SH3PXD2B: variants seen among roughly 807,000 people sequenced by gnomAD.
SH3PXD2B encodes SH3 and PX domain-containing protein 2B.
SH3PXD2B carries 37 observed loss-of-function variants against 73.1 expected under a neutral mutation model. The ratio of observed to expected loss-of-function variants is 0.51; its 90% confidence interval spans 0.39 to 0.67. The LOEUF is 0.67. Among genes scored for constraint, SH3PXD2B ranks in the 30% least tolerant of loss-of-function variants. The probability of loss-of-function intolerance (pLI) is 0.00; values close to 1 mark genes in which losing one functional copy is unlikely to be tolerated. For synonymous variants in SH3PXD2B, 457 were observed against 480.5 expected, an observed-to-expected ratio of 0.95 and a Z score of 0.64; for missense variants, 1,053 against 1,197.8, an observed-to-expected ratio of 0.88 and a Z score of 1.78.
chr5:172,406,935 G>A (rs900109244), intron 2 of SH3PXD2B, among the ~76,000 whole-genome samples: 12 of 152,144 alleles, frequency 7.9e-5, no homozygotes, highest in Admixed American at 7.9e-4. Flanking sequence ...AGAGGGAGGT[G>A]TAGGCTGCTG....
intron 12 of SH3PXD2B, among the ~76,000 whole-genome samples, chr5:172,344,757 A>G (rs1417306737): frequency 6.6e-6 from 1 of 152,198 alleles, no homozygotes; most frequent in African/African-American, 2.4e-5. Context: ...TGAAAACACA[A>G]AAGGATTTCC....
Position 172,359,580 on chromosome 5 carries a change from C to T in SH3PXD2B, c.563-703G>A, listed in dbSNP as rs201235184. ...CTGCGGTAGAGCTGTGACGTGTGCA[C>T]GGGGCTGTTTGACTGTAAAGGCCTA... On this transcript the variant is annotated intron_variant, in intron 7 of 12. Transcript: ENST00000311601. Among the ~76,000 whole-genome samples the T allele has an allele frequency of 2.8e-4, 42 of 152,120 alleles. No individual in the cohort carries two copies. The East Asian group carries it at 6.2e-3, about 22-fold the overall frequency.
At chr5:172,371,068 G>C in intron 6 of SH3PXD2B, among the ~76,000 whole-genome samples, 1 of 152,260 alleles carries the variant, frequency 6.6e-6, no homozygotes, top group Middle Eastern at 3.4e-3. Flanking sequence ...TTATTATCAA[G>C]TGTTATAAAA....
chr5:172,439,336 T>C (rs1035988997), intron 1 of SH3PXD2B, among the ~76,000 whole-genome samples: 1 of 147,906 alleles, frequency 6.8e-6, no homozygotes, highest in African/African-American at 2.5e-5. Flanking sequence ...TACCTGACTA[T>C]GAATCCTGCC....
intron 12 of SH3PXD2B, among the ~76,000 whole-genome samples, chr5:172,342,532 G>A (rs1016159824): frequency 4.6e-5 from 7 of 152,250 alleles, no homozygotes; most frequent in Admixed American, 1.3e-4. Context: ...AGGCCAAGGC[G>A]GGCGGATCAC....
intron 3 of SH3PXD2B, among the ~76,000 whole-genome samples, chr5:172,397,295 C>T (rs547841921): frequency 1.2e-4 from 18 of 152,308 alleles, no homozygotes; most frequent in African/African-American, 4.3e-4. Context: ...GCTCTCAAAC[C>T]CTGTCTCCTG....
Position 172,373,832 on chromosome 5 carries a change from G to C in SH3PXD2B, c.402-17C>G, listed in dbSNP as rs756374226. On this transcript the variant is annotated splice_polypyrimidine_tract_variant and intron_variant, in intron 5 of 12. Coordinates refer to ENST00000311601, the MANE Select transcript of SH3PXD2B (RefSeq NM_001017995.3). ...ATGTGCTCCCTGTACAGGAAAGAAA[G>C]GGGGTGGGAAGAGTAACGAGTCAGT... 2 of 1,613,908 alleles carry C rather than the reference G, an allele frequency of 1.2e-6. No individual in the cohort carries two copies. The highest frequency in any genetic ancestry group is 2.7e-5 in the African/African-American group (2 of 75,026).
chr5:172,411,798 GTT>G (rs772338597), intron 2 of SH3PXD2B, among the ~76,000 whole-genome samples: 3 of 146,396 alleles, frequency 2.0e-5, no homozygotes, highest in Non-Finnish European at 4.5e-5. Flanking sequence ...AGGCTGTGTG[GTT>G]TTTTTTTTTT....
intron 3 of SH3PXD2B, among the ~76,000 whole-genome samples, chr5:172,405,321 T>C (rs1436675997): frequency 1.3e-5 from 2 of 152,264 alleles, no homozygotes; most frequent in African/African-American, 2.4e-5. Context: ...AGCTATTATA[T>C]GCCTTCCGTT....
chr5:172,356,239 G>C (rs915673456), intron 8 of SH3PXD2B, among the ~76,000 whole-genome samples: 1 of 152,160 alleles, frequency 6.6e-6, no homozygotes, highest in African/African-American at 2.4e-5. Context: ...TGAGAGAATG[G>C]TGCCAACAAG....
In SH3PXD2B at chr5:172,373,746, T is replaced by C. The variant is rs373982059; in HGVS notation, c.427+44A>G. On this transcript the variant is annotated intron_variant, in intron 6 of 12. Transcript: ENST00000311601. ...GCACAGTTGGTGCTCGGCTGGAGTT[T>C]GCCGAAAACTGAACGAAGAGAAGAA... is the stretch of plus-strand genomic sequence containing the variant. The C allele has an allele frequency of 1.0e-4, 166 of 1,592,614 alleles. 1 individual carries two copies. The highest frequency in any genetic ancestry group is 1.3e-4 in the Non-Finnish European group (155 of 1,166,660).
intron 5 of SH3PXD2B, among the ~76,000 whole-genome samples, chr5:172,376,276 G>A (rs912348127): frequency 2.6e-5 from 4 of 152,048 alleles, no homozygotes; most frequent in Admixed American, 6.6e-5. Context: ...TGATTTGCCC[G>A]CTTTGGCCTC....
chr5:172,349,104 T>C (rs1757095516), intron 10 of SH3PXD2B, among the ~76,000 whole-genome samples: 1 of 152,202 alleles, frequency 6.6e-6, no homozygotes, highest in African/African-American at 2.4e-5. Context: ...TTGGCCATGA[T>C]TGACAGATTA....
At chr5:172,328,115 CTGATTTTT>C (rs1756480160) in intron 12 of SH3PXD2B, among the ~76,000 whole-genome samples, 1 of 98,544 alleles carries the variant, frequency 1.0e-5, no homozygotes, top group Non-Finnish European at 2.2e-5. Flanking sequence ...GCCTAGTAGG[CTGATTTTT>C]TTTTTTTTTT....
At chr5:172,449,947 T>C (rs1759756848) in intron 1 of SH3PXD2B, among the ~76,000 whole-genome samples, 1 of 152,160 alleles carries the variant, frequency 6.6e-6, no homozygotes. Flanking sequence ...TGGATCGACA[T>C]AGATCTCAAA....
At chr5:172,390,999 G>A (rs900218083) in intron 4 of SH3PXD2B, among the ~76,000 whole-genome samples, 3 of 151,968 alleles carry the variant, frequency 2.0e-5, no homozygotes, top group Non-Finnish European at 4.4e-5. Context: ...GCGCCACCTC[G>A]CCTGGCTAAT....
downstream of SH3PXD2B, among the ~76,000 whole-genome samples, chr5:172,328,755 G>A (rs116529828): frequency 0.014 from 2,064 of 152,006 alleles, 33 homozygotes; most frequent in African/African-American, 0.035. Flanking sequence ...TGGAATATGC[G>A]TCCCTGGGCC....
At chr5:172,327,237 T>C (rs1756463928) in intron 12 of SH3PXD2B, among the ~76,000 whole-genome samples, 1 of 152,212 alleles carries the variant, frequency 6.6e-6, no homozygotes, top group African/African-American at 2.4e-5. Flanking sequence ...GGGCCTACTA[T>C]GTGCTAGGTA....
chr5:172,377,994 T>C (rs1757853815), intron 5 of SH3PXD2B, among the ~76,000 whole-genome samples: 1 of 152,190 alleles, frequency 6.6e-6, no homozygotes, highest in Non-Finnish European at 1.5e-5. Flanking sequence ...GCTCCTGTCC[T>C]GCGCTATTTC....
Sources: allele counts gnomAD v4.1 joint callset (sites outside exome capture counted in the v4.1 genomes callset), GRCh38; gene constraint gnomAD v4.1.1; transcripts MANE v1.5; gene names NCBI Gene and HGNC (gene_info 2026-07-23, HGNC 2026-07-21).